Variants in KAZN observed in about 807,000 individuals in gnomAD.
The protein encoded by KAZN is kazrin, periplakin interacting protein, also known as kazrin.
A neutral mutation model predicts 87.4 loss-of-function variants in KAZN; 40 were observed. That is an observed-to-expected ratio of 0.46 (90% CI 0.36 to 0.60). The LOEUF is 0.60. Ranked by LOEUF, KAZN falls within the 20% of genes least tolerant of loss-of-function variation. The probability of loss-of-function intolerance (pLI) is 0.00; values close to 1 mark genes in which losing one functional copy is unlikely to be tolerated. For missense variants in KAZN, 898 were observed against 1,073.9 expected (o/e 0.84, Z 2.29); for synonymous variants, 466 against 458.3 (o/e 1.02, Z -0.22).
intron 1 of KAZN, among the ~76,000 whole-genome samples, chr1:14,665,657 T>C (rs1461527133): frequency 2.0e-5 from 3 of 151,974 alleles, no homozygotes; most frequent in Admixed American, 6.6e-5. Context: ...TTCCCTGATA[T>C]GAAAAGTGGA....
At chr1:14,740,742 T>C (rs1166925881) in intron 1 of KAZN, among the ~76,000 whole-genome samples, 3 of 152,170 alleles carry the variant, frequency 2.0e-5, no homozygotes, top group African/African-American at 7.2e-5. Flanking sequence ...CTTGATTTCT[T>C]GCTCTTTGTT....
At chr1:14,036,972 G>A (rs1386720473) in intron 1 of KAZN, among the ~76,000 whole-genome samples, 1 of 151,914 alleles carries the variant, frequency 6.6e-6, no homozygotes, top group Non-Finnish European at 1.5e-5. Flanking sequence ...TAGAGACGGG[G>A]TTTCACTGTA....
intron 2 of KAZN, among the ~76,000 whole-genome samples, chr1:14,409,443 A>C (rs1010933706): frequency 3.4e-4 from 51 of 152,198 alleles, no homozygotes; most frequent in African/African-American, 1.2e-3. Context: ...GAGTTCCTTG[A>C]TGTAGATTCT....
intron 2 of KAZN, among the ~76,000 whole-genome samples, chr1:14,334,516 GACTTTC>G (rs1261454966): frequency 6.6e-6 from 1 of 152,092 alleles, no homozygotes; most frequent in African/African-American, 2.4e-5. Flanking sequence ...TCATCATAAG[GACTTTC>G]ACTTTCACGC....
chr1:14,618,865 T>A (rs560221778), intron 1 of KAZN, among the ~76,000 whole-genome samples: 1 of 152,240 alleles, frequency 6.6e-6, no homozygotes, highest in South Asian at 2.1e-4. Context: ...AGGTGAGGGG[T>A]TCCCTGACAG....
rs1553205034 is a variant in KAZN, at chr1:14,660,541, C to CTCTCTT, written c.226+61319_226+61320insCTCTTT. Among the ~76,000 whole-genome samples, 150 of 76,048 alleles carry CTCTCTT rather than the reference C, an allele frequency of 2.0e-3. 1 individual carries two copies. Among genetic ancestry groups the CTCTCTT allele is most frequent in the African/African-American group, 7.8e-3 (145 of 18,692 alleles). 49.9% of individuals were successfully genotyped at this position (76,048 alleles called of 152,430 possible). On this transcript the variant is annotated intron_variant, in intron 1 of 14. Coordinates refer to ENST00000376030, the MANE Select transcript of KAZN (RefSeq NM_201628.3). ...TCTCTCCAAGTTTCTCTCTCTCTCT[C>CTCTCTT]TTTTTTTTTTTTTTTTTTTTTTTTG...
intron 1 of KAZN, among the ~76,000 whole-genome samples, chr1:14,004,953 C>G (rs1639972555): frequency 6.6e-6 from 1 of 151,468 alleles, no homozygotes; most frequent in African/African-American, 2.5e-5. Context: ...ACCCGATGCC[C>G]TGTGCCACCA....
In KAZN at chr1:14,055,066, G is replaced by A. The variant is rs77713952; in HGVS notation, c.92-125369G>A. On this transcript the variant is annotated intron_variant, in intron 1 of 16. Coordinates refer to the KAZN transcript ENST00000636203. ...GTCCTTATCTTCACCTTCCAGTTGT[G>A]ATAACCAAAAATGCCCATGGAAGGG... Among the ~76,000 whole-genome samples the A allele has an allele frequency of 6.6e-3, 1,003 of 152,276 alleles. 10 individuals are homozygous for A. Among genetic ancestry groups the A allele is most frequent in the Middle Eastern group, 0.017 (5 of 294 alleles).
At chr1:14,750,011 C>G (rs1557450706) in intron 1 of KAZN, among the ~76,000 whole-genome samples, 1 of 151,196 alleles carries the variant, frequency 6.6e-6, no homozygotes. Context: ...TACCCATGAC[C>G]AAAAAAAAGG....
At chr1:14,854,734 C>A (rs1649869760) in intron 1 of KAZN, among the ~76,000 whole-genome samples, 1 of 151,818 alleles carries the variant, frequency 6.6e-6, no homozygotes, top group Admixed American at 6.6e-5. Context: ...ACCTGTCTGC[C>A]ACCGCACTGG....
intron 1 of KAZN, among the ~76,000 whole-genome samples, chr1:14,104,712 G>T (rs978301807): frequency 7.9e-5 from 12 of 152,200 alleles, no homozygotes; most frequent in Non-Finnish European, 1.8e-4. Flanking sequence ...ATTCTGTTTA[G>T]CAGTTCCCAT....
At chr1:14,476,610 G>T (rs920421345) in intron 2 of KAZN, among the ~76,000 whole-genome samples, 2 of 152,266 alleles carry the variant, frequency 1.3e-5, no homozygotes, top group South Asian at 2.1e-4. Flanking sequence ...TGATTTCCTA[G>T]AAATTTTAAG....
At chr1:14,232,193 G>C (rs1647923998) in intron 2 of KAZN, among the ~76,000 whole-genome samples, 1 of 152,146 alleles carries the variant, frequency 6.6e-6, no homozygotes, top group Admixed American at 6.6e-5. Context: ...ATCACACCAG[G>C]TGACTCTTAT....
chr1:14,615,110 A>G (rs967842955), intron 1 of KAZN, among the ~76,000 whole-genome samples: 3 of 152,238 alleles, frequency 2.0e-5, no homozygotes, highest in African/African-American at 7.2e-5. Flanking sequence ...GCAGGCACTG[A>G]GGAAGGAAAT....
At chr1:14,652,279 T>A (rs12567449) in intron 1 of KAZN, among the ~76,000 whole-genome samples, 41,209 of 152,032 alleles carry the variant, frequency 0.27, 5,838 homozygotes, top group South Asian at 0.36. Context: ...GTGATATTTT[T>A]ACCCAATTTG....
intron 2 of KAZN, among the ~76,000 whole-genome samples, chr1:14,502,458 G>A (rs769264576): frequency 1.3e-5 from 2 of 152,098 alleles, no homozygotes; most frequent in Admixed American, 6.5e-5. Flanking sequence ...TCAATTTCTG[G>A]GTTTTTTTAG....
At chr1:14,320,535 A>G (rs898770016) in intron 2 of KAZN, among the ~76,000 whole-genome samples, 4 of 152,064 alleles carry the variant, frequency 2.6e-5, no homozygotes, top group African/African-American at 4.8e-5. Flanking sequence ...CCATAATTTC[A>G]GTATCTACCC....
At chr1:14,093,438 A>G (rs564081884) in intron 1 of KAZN, among the ~76,000 whole-genome samples, 1 of 152,352 alleles carries the variant, frequency 6.6e-6, no homozygotes, top group African/African-American at 2.4e-5. Flanking sequence ...AGACCTCTCA[A>G]TAAAGTGCTT....
chr1:14,031,397 A>C (rs1014943223), intron 1 of KAZN, among the ~76,000 whole-genome samples: 4 of 152,252 alleles, frequency 2.6e-5, no homozygotes, highest in African/African-American at 9.6e-5. Context: ...CAGATGAAGG[A>C]TGCTTGCTGA....
Sources: allele counts gnomAD v4.1 joint callset (sites outside exome capture counted in the v4.1 genomes callset), GRCh38; gene constraint gnomAD v4.1.1; transcripts MANE v1.5; gene names NCBI Gene and HGNC (gene_info 2026-07-23, HGNC 2026-07-21).